PDLIM5: variants seen among roughly 807,000 people sequenced by gnomAD.
PDLIM5 encodes the protein PDZ and LIM domain 5.
Under a neutral mutation model 64.2 loss-of-function variants are expected in PDLIM5, and 34 were observed. The ratio of observed to expected loss-of-function variants is 0.53; its 90% CI spans 0.40 to 0.71. The LOEUF is 0.71. Among genes scored for constraint, PDLIM5 ranks in the 30% least tolerant of loss-of-function variants. PDLIM5 has a pLI of 0.00. For synonymous variants in PDLIM5, 253 were observed against 269.1 expected (o/e 0.94, Z 0.59); for missense variants, 683 against 733.6 (o/e 0.93, Z 0.80).
At chr4:94,498,443 C>A (rs1727601322) in intron 2 of PDLIM5, among the ~76,000 whole-genome samples, 1 of 152,104 alleles carries the variant, frequency 6.6e-6, no homozygotes. Context: ...AGGAACTAAC[C>A]TGGTTGACTC....
chr4:94,561,869 A>T (rs1410463944), intron 3 of PDLIM5, among the ~76,000 whole-genome samples: 1 of 152,146 alleles, frequency 6.6e-6, no homozygotes, highest in Non-Finnish European at 1.5e-5. Context: ...TTATTGTTGG[A>T]ACAACACATA....
intron 2 of PDLIM5, among the ~76,000 whole-genome samples, chr4:94,494,432 G>GGTTTTTTTTTTTTCTTT (rs1553940971): frequency 1.4e-5 from 1 of 70,770 alleles, no homozygotes; most frequent in Non-Finnish European, 2.8e-5. Flanking sequence ...TTTTTTTCTT[G>GGTTTTTTTTTTTTCTTT]TTTTTTTTTT....
intron 8 of PDLIM5, among the ~76,000 whole-genome samples, chr4:94,638,431 G>A (rs970527032): frequency 6.6e-6 from 1 of 152,208 alleles, no homozygotes. Context: ...CGAGTGCCAG[G>A]CAGTGCACTG....
At chr4:94,569,384 A>G (rs554129092) in intron 3 of PDLIM5, among the ~76,000 whole-genome samples, 1 of 152,174 alleles carries the variant, frequency 6.6e-6, no homozygotes, top group South Asian at 2.1e-4. Flanking sequence ...CAGTGGCACA[A>G]TCTCGGCTCA....
chr4:94,640,051 A>G (rs1195269105), intron 8 of PDLIM5, among the ~76,000 whole-genome samples: 1 of 152,022 alleles, frequency 6.6e-6, no homozygotes, highest in Non-Finnish European at 1.5e-5. Context: ...AATTCTATGC[A>G]TACGTCTGTC....
chr4:94,537,849 G>T (rs1186850722), intron 3 of PDLIM5, among the ~76,000 whole-genome samples: 1 of 152,110 alleles, frequency 6.6e-6, no homozygotes, highest in Non-Finnish European at 1.5e-5. Flanking sequence ...TGATTTGTCT[G>T]CACACATCTT....
intron 8 of PDLIM5, among the ~76,000 whole-genome samples, chr4:94,626,352 A>G (rs535790878): frequency 6.6e-6 from 1 of 152,378 alleles, no homozygotes; most frequent in East Asian, 1.9e-4. Context: ...ATTAAAATTT[A>G]AAATTTAAAT....
chr4:94,585,778 T>C, intron 6 of PDLIM5, 41 bp downstream of exon 6: 1 of 1,546,980 alleles, frequency 6.5e-7, no homozygotes. Context: ...GAATGTTTTT[T>C]TGCCCCAGAG....
chr4:94,476,600 C>T (rs1725344368), intron 2 of PDLIM5, among the ~76,000 whole-genome samples: 1 of 152,152 alleles, frequency 6.6e-6, no homozygotes, highest in Non-Finnish European at 1.5e-5. Context: ...GGATCTTCCT[C>T]CATCATGAGT....
At chr4:94,504,331 A>C (rs1204483976) in intron 2 of PDLIM5, among the ~76,000 whole-genome samples, 1 of 150,622 alleles carries the variant, frequency 6.6e-6, no homozygotes, top group African/African-American at 2.4e-5. Context: ...CTCTGTCACC[A>C]GGTTGGAGTG....
At chr4:94,662,649 A>G in intron 12 of PDLIM5, 112 bp downstream of exon 12, 1 of 483,670 alleles carries the variant, frequency 2.1e-6, no homozygotes, top group Non-Finnish European at 3.7e-6. Flanking sequence ...ACCTAAGGAA[A>G]AATTATTTTT....
chr4:94,577,013 A>C (rs139730521), intron 5 of PDLIM5, among the ~76,000 whole-genome samples: 450 of 152,246 alleles, frequency 3.0e-3, no homozygotes, highest in Non-Finnish European at 3.8e-3. Context: ...CTATAATGTA[A>C]TCCTACTTGC....
chr4:94,653,442 G>T (rs1741988889), intron 9 of PDLIM5, among the ~76,000 whole-genome samples: 1 of 152,098 alleles, frequency 6.6e-6, no homozygotes, highest in South Asian at 2.1e-4. Flanking sequence ...GGCTAGAATG[G>T]TTAGTCTCTG....
chr4:94,481,539 C>T (rs990252335), intron 2 of PDLIM5, among the ~76,000 whole-genome samples: 1 of 151,706 alleles, frequency 6.6e-6, no homozygotes, highest in South Asian at 2.1e-4. Flanking sequence ...GCCTCGCCTC[C>T]GAAAGTGCTG....
chr4:94,597,770 A>T (rs1048967852), intron 7 of PDLIM5, among the ~76,000 whole-genome samples: 1 of 152,114 alleles, frequency 6.6e-6, no homozygotes, highest in African/African-American at 2.4e-5. Context: ...TATAGTACTG[A>T]TTTTCAAAAA....
rs10706955 is a variant in PDLIM5 at position 94,665,481 on chromosome 4, TAA to T, written c.*1438_*1439del. On this transcript the variant is annotated 3_prime_UTR_variant, in exon 13 of 13. Coordinates refer to ENST00000317968, the MANE Select transcript of PDLIM5 (RefSeq NM_006457.5). ...GGTGACAGAGCAAGACTCCGGCTCT[TAA>T]AAAAAAAAAAAAAAAAAAAAAAAGA... The T allele has an allele frequency of 0.15, 66,278 of 436,322 alleles. 31 individuals carry two copies. Among genetic ancestry groups the T allele is most frequent in the South Asian group, 0.17 (1,690 of 9,914 alleles). The allele number at this position is 436,322 out of a possible 1,614,324, so 27.0% of individuals were successfully genotyped here. A position where few individuals can be genotyped will look rare whatever the true frequency, so the allele number is the denominator to read the frequency against.
chr4:94,616,119 A>G (rs886560633), intron 7 of PDLIM5, among the ~76,000 whole-genome samples: 12 of 152,192 alleles, frequency 7.9e-5, no homozygotes, highest in Admixed American at 4.6e-4. Context: ...TGTTTCATCT[A>G]TAATTCCTAG....
At chr4:94,495,516 A>G (rs1240914034) in intron 2 of PDLIM5, among the ~76,000 whole-genome samples, 1 of 152,164 alleles carries the variant, frequency 6.6e-6, no homozygotes, top group Non-Finnish European at 1.5e-5. Flanking sequence ...AGTTGAAAAA[A>G]AAAAAGGTTT....
chr4:94,457,313 C>A (rs1723465207), intron 2 of PDLIM5: 1 of 243,130 alleles, frequency 4.1e-6, no homozygotes, highest in Non-Finnish European at 6.6e-6. Context: ...TGTAATCCAG[C>A]CTGCAAGTTT....
Sources: allele counts gnomAD v4.1 joint callset (sites outside exome capture counted in the v4.1 genomes callset), GRCh38; gene constraint gnomAD v4.1.1; transcripts MANE v1.5; gene names NCBI Gene and HGNC (gene_info 2026-07-23, HGNC 2026-07-21).